Variants in SLC6A11 observed in about 807,000 individuals in gnomAD.
SLC6A11 encodes the protein sodium- and chloride-dependent GABA transporter 3.
A neutral mutation model predicts 74.8 loss-of-function variants in SLC6A11; 25 were observed. That is an observed-to-expected ratio of 0.33 (90% confidence interval 0.24 to 0.47). The LOEUF is 0.47. Among genes scored for constraint, SLC6A11 ranks in the 20% least tolerant of loss-of-function variants. The probability of loss-of-function intolerance (pLI) is 1.00; values close to 1 mark genes in which losing one functional copy is unlikely to be tolerated. For missense variants in SLC6A11, 574 were observed against 837.0 expected (o/e 0.69, Z 3.88); for synonymous variants, 330 against 330.2 (o/e 1.00, Z 0.01).
chr3:10,873,494 G>GCTATC (rs1694859079), intron 5 of SLC6A11, among the ~76,000 whole-genome samples: 1 of 84,372 alleles, frequency 1.2e-5, no homozygotes, highest in African/African-American at 6.0e-5. Flanking sequence ...CCTACCCTAT[G>GCTATC]CTATCCTATC....
chr3:10,851,199 T>C (rs1217942756), intron 5 of SLC6A11, among the ~76,000 whole-genome samples: 3 of 151,904 alleles, frequency 2.0e-5, no homozygotes, highest in Admixed American at 1.3e-4. Context: ...TATGGATTTT[T>C]CCCCCTCATT....
chr3:10,911,408 T>TA (rs1164581870), intron 6 of SLC6A11, among the ~76,000 whole-genome samples: 1 of 152,166 alleles, frequency 6.6e-6, no homozygotes, highest in African/African-American at 2.4e-5. Flanking sequence ...CAGCAGTTTT[T>TA]ATCAAAAGGG....
chr3:10,876,737 G>GCC (rs71055841), intron 6 of SLC6A11, among the ~76,000 whole-genome samples: 31 of 24,074 alleles, frequency 1.3e-3, no homozygotes, highest in South Asian at 6.3e-3. Flanking sequence ...TAAACGCCCC[G>GCC]CCCCCCCCCC....
chr3:10,886,818 A>AT (rs1434550358), intron 6 of SLC6A11, among the ~76,000 whole-genome samples: 1 of 150,470 alleles, frequency 6.6e-6, no homozygotes, highest in African/African-American at 2.5e-5. Flanking sequence ...AAAAAAAAAA[A>AT]AAAAAAATCT....
intron 11 of SLC6A11, 156 bp from the exon 12 acceptor site, chr3:10,933,910 A>G (rs949422284): frequency 1.1e-5 from 6 of 567,498 alleles, no homozygotes; most frequent in East Asian, 5.9e-5. Context: ...AACCTCACAC[A>G]TGTAACATCT....
chr3:10,850,727 C>T (rs1011236177), intron 5 of SLC6A11, among the ~76,000 whole-genome samples: 2 of 152,214 alleles, frequency 1.3e-5, no homozygotes, highest in South Asian at 2.1e-4. Flanking sequence ...CAGGCGTCAT[C>T]GAATTTTTTC....
chr3:10,823,262 G>C (rs1273973248), intron 3 of SLC6A11, 40 bp from the exon 4 acceptor site: 1 of 1,450,216 alleles, frequency 6.9e-7, no homozygotes, highest in Admixed American at 1.7e-5. Context: ...CTTTCATGGA[G>C]ATTAATTTTC....
In SLC6A11 at chr3:10,874,966, A is replaced by C; in HGVS notation, c.762A>C (p.Val254=). The C allele has an allele frequency of 6.2e-7, 1 of 1,611,490 alleles. No homozygotes were observed. Among genetic ancestry groups the C allele is most frequent in the South Asian group, 1.1e-5 (1 of 90,592 alleles). ...TCCTCTCCTCTTGTGCACAGGTTGT[A>C]TACGTGACTGCGACATTCCCCTACA... is the stretch of plus-strand genomic sequence containing the variant. The part of the protein sequence containing the change: ...WKGTKSTGKV[V]YVTATFPYIM... The change falls in exon 6 of 14, where the codon GTA becomes GTC. Residue 254 remains valine (V), a synonymous_variant. Coordinates refer to ENST00000254488, the MANE Select transcript of SLC6A11 (RefSeq NM_014229.3).
intron 5 of SLC6A11, among the ~76,000 whole-genome samples, chr3:10,855,018 T>C (rs937296692): frequency 1.3e-5 from 2 of 151,414 alleles, no homozygotes; most frequent in Non-Finnish European, 2.9e-5. Flanking sequence ...GATGGGTGGA[T>C]GGGTGGGTGA....
Position 10,888,793 on chromosome 3 carries a change from G to T in SLC6A11, c.891+13698G>T, listed in dbSNP as rs1040528516. On this transcript the variant is annotated intron_variant, in intron 6 of 13. Coordinates refer to ENST00000254488, the MANE Select transcript of SLC6A11 (RefSeq NM_014229.3). ...AGTGCCTGTCTTCAGGTATTCTCAG[G>T]CTGTTTTGTTAGAATGCCCACCTTA... 2.6e-5 allele frequency among the ~76,000 whole-genome samples: 4 copies of T among 152,244 alleles called. No individual in the cohort carries two copies. In the East Asian group the frequency reaches 7.7e-4, roughly 29 times the overall value.
chr3:10,898,797 C>T (rs1480229162), intron 6 of SLC6A11, among the ~76,000 whole-genome samples: 2 of 152,188 alleles, frequency 1.3e-5, no homozygotes, highest in Non-Finnish European at 2.9e-5. Flanking sequence ...GGTATCTTTT[C>T]AGCAGCACCC....
intron 6 of SLC6A11, among the ~76,000 whole-genome samples, chr3:10,894,708 C>T (rs1240646694): frequency 2.0e-5 from 3 of 152,140 alleles, no homozygotes; most frequent in African/African-American, 4.8e-5. Flanking sequence ...AATGAGTTCA[C>T]GTCTATCGTA....
chr3:10,837,901 A>T (rs2106581579), intron 4 of SLC6A11, among the ~76,000 whole-genome samples: 1 of 152,358 alleles, frequency 6.6e-6, no homozygotes, highest in East Asian at 1.9e-4. Context: ...AGACTCCCCA[A>T]GGCAGCGGCC....
intron 13 of SLC6A11, among the ~76,000 whole-genome samples, chr3:10,935,799 A>T (rs1034889295): frequency 2.6e-5 from 4 of 152,226 alleles, no homozygotes; most frequent in Admixed American, 6.5e-5. Flanking sequence ...TCAGCCATAC[A>T]GTTACACAAT....
chr3:10,857,420 G>A (rs1694651764), intron 5 of SLC6A11, among the ~76,000 whole-genome samples: 1 of 152,158 alleles, frequency 6.6e-6, no homozygotes. Context: ...TAGGGGGTGT[G>A]TTTTGGGAAA....
chr3:10,940,695 A>C lies in SLC6A11; in HGVS notation c.*2293A>C, dbSNP rs1048778404. 6.6e-6 allele frequency: 1 copy of C among 152,246 alleles called. No individual in the cohort carries two copies. Among genetic ancestry groups the C allele is most frequent in the Non-Finnish European group, 1.5e-5 (1 of 68,034 alleles). The allele number at this position is 152,246 out of a possible 1,614,324, so 9.4% of individuals were successfully genotyped here. ...ATTGTCTGCTTACTCATTTTTAAAA[A>C]TTAAAGAAATGAACAATCAGTGTGG... On this transcript the variant is annotated 3_prime_UTR_variant, in exon 14 of 14. Transcript: ENST00000254488.
chr3:10,873,433 T>TGGCATGCCATCCTACCCTAC, intron 5 of SLC6A11, among the ~76,000 whole-genome samples: 1 of 150,848 alleles, frequency 6.6e-6, no homozygotes, highest in African/African-American at 2.5e-5. Context: ...TCCTATCCTA[T>TGGCATGCCATCCTACCCTAC]CCTATCCTAT....
chr3:10,833,242 AG>A (rs1261619320), intron 4 of SLC6A11, among the ~76,000 whole-genome samples: 1 of 152,064 alleles, frequency 6.6e-6, no homozygotes, highest in Non-Finnish European at 1.5e-5. Flanking sequence ...TTGTATTTTT[AG>A]TAGAGATGGG....
intron 5 of SLC6A11, among the ~76,000 whole-genome samples, chr3:10,858,195 A>G (rs563317930): frequency 1.3e-5 from 2 of 152,358 alleles, no homozygotes; most frequent in East Asian, 3.9e-4. Flanking sequence ...AATGATGAAC[A>G]ATGCTTGGTA....
Sources: gnomAD v4.1 joint callset for allele counts (sites outside exome capture counted in the v4.1 genomes callset) on GRCh38, gnomAD v4.1.1 for gene constraint, MANE v1.5 for transcripts, NCBI Gene and HGNC (gene_info 2026-07-23, HGNC 2026-07-21) for gene names.